Variants in TRAK1 observed in about 807,000 individuals in gnomAD.
TRAK1 encodes the protein trafficking kinesin-binding protein 1.
In TRAK1, 33 loss-of-function variants were observed where a neutral mutation model predicts 92.1. The ratio of observed to expected loss-of-function variants is 0.36; its 90% CI spans 0.27 to 0.48. TRAK1 has a LOEUF of 0.48. Ranked by LOEUF, TRAK1 falls within the 20% of genes least tolerant of loss-of-function variation. TRAK1 has a pLI of 0.99. For synonymous variants in TRAK1, 521 were observed against 517.3 expected, an observed-to-expected ratio of 1.01 and a Z score of -0.10; for missense variants, 1,123 against 1,257.9, an observed-to-expected ratio of 0.89 and a Z score of 1.62.
At chr3:42,019,683 C>G (rs1021190216) in intron 1 of TRAK1, among the ~76,000 whole-genome samples, 2 of 152,144 alleles carry the variant, frequency 1.3e-5, no homozygotes, top group African/African-American at 4.8e-5. Context: ...ATGATACAAC[C>G]TACTCTAGAT....
At chr3:42,036,113 G>C (rs1370030571) in intron 1 of TRAK1, among the ~76,000 whole-genome samples, 1 of 152,190 alleles carries the variant, frequency 6.6e-6, no homozygotes, top group Non-Finnish European at 1.5e-5. Context: ...ATCTGTGAGA[G>C]GCTTTATTTG....
intron 2 of TRAK1, among the ~76,000 whole-genome samples, chr3:42,159,155 G>A (rs1046525794): frequency 3.9e-5 from 6 of 152,044 alleles, no homozygotes; most frequent in East Asian, 3.9e-4. Flanking sequence ...CAGAATTCTC[G>A]GCCCTAAGGA....
chr3:42,202,950 G>A lies in TRAK1; in HGVS notation c.1744+198G>A. On this transcript the variant is annotated intron_variant, in intron 13 of 15. Transcript: ENST00000327628. The surrounding 1 kb of genome is among the most constrained non-coding windows in gnomAD (Gnocchi z 6.1). ...CGTCCCTCCCCTCTGGCTGGCAGGT[G>A]TGACAATGCACACATAGGCCATGAA... 24 of 1,400,734 alleles carry A rather than the reference G, an allele frequency of 1.7e-5. No homozygotes were observed. Among genetic ancestry groups the A allele is most frequent in the Non-Finnish European group, 2.0e-5 (22 of 1,077,004 alleles). The allele number at this position is 1,400,734 out of a possible 1,614,324, so 86.8% of individuals were successfully genotyped here. A position where few individuals can be genotyped will look rare whatever the true frequency, so the allele number is the denominator to read the frequency against.
intron 14 of TRAK1, chr3:42,217,951 G>GT (rs368712397): frequency 8.9e-4 from 752 of 842,316 alleles, no homozygotes; most frequent in Middle Eastern, 3.7e-3. Flanking sequence ...ATTTTTATGT[G>GT]TTTTTTTTTT....
At chr3:42,192,252 G>A (rs567617019) in intron 7 of TRAK1, among the ~76,000 whole-genome samples, 1 of 152,180 alleles carries the variant, frequency 6.6e-6, no homozygotes, top group African/African-American at 2.4e-5. Flanking sequence ...ACAGAAAACT[G>A]TGTTGAAAAT....
intron 2 of TRAK1, among the ~76,000 whole-genome samples, chr3:42,141,718 C>A (rs1247453279): frequency 6.6e-6 from 1 of 152,210 alleles, no homozygotes; most frequent in African/African-American, 2.4e-5. Flanking sequence ...CCAGGTTCTG[C>A]TCTGTCTTCA....
At chr3:42,134,399 T>G (rs529743841) in intron 2 of TRAK1, among the ~76,000 whole-genome samples, 1 of 151,128 alleles carries the variant, frequency 6.6e-6, no homozygotes, top group African/African-American at 2.4e-5. Flanking sequence ...TGTCTCAGCC[T>G]CCCGAGTAGC....
chr3:42,149,280 G>T (rs1699678091), intron 2 of TRAK1: 2 of 1,369,874 alleles, frequency 1.5e-6, no homozygotes, highest in Admixed American at 3.2e-5. Flanking sequence ...GTGCTGCCAG[G>T]GTCTCCGTTA....
chr3:42,188,047 G>T lies in TRAK1; in HGVS notation c.483G>T (p.Val161=). Residue 161 remains valine (V), a splice_region_variant and synonymous_variant, in exon 5 of 16, where the codon GTG becomes GTT. Coordinates refer to ENST00000327628, the MANE Select transcript of TRAK1 (RefSeq NM_001042646.3). Reference sequence around the variant, plus strand: ...ATGGGCCTGCTCTGCTTGTGCAGGTGTCTCAGCTCCGGCATGAGCTGTCCA... The same window carrying T: ...ATGGGCCTGCTCTGCTTGTGCAGGTTTCTCAGCTCCGGCATGAGCTGTCCA... ...EEQVEHIREE[V]SQLRHELSMK... 1.9e-6 allele frequency: 3 copies of T among 1,613,894 alleles called. No individual in the cohort carries two copies. The highest frequency in any genetic ancestry group is 2.5e-6 in the Non-Finnish European group (3 of 1,179,966).
intron 1 of TRAK1, among the ~76,000 whole-genome samples, chr3:42,074,188 T>G (rs1466972577): frequency 6.6e-6 from 1 of 152,210 alleles, no homozygotes; most frequent in Non-Finnish European, 1.5e-5. Flanking sequence ...TAGGCAATGT[T>G]TAGTCTTTGT....
chr3:42,094,131 G>GC (rs1026217856), intron 1 of TRAK1, among the ~76,000 whole-genome samples: 3 of 152,200 alleles, frequency 2.0e-5, no homozygotes, highest in African/African-American at 7.2e-5. Flanking sequence ...CCAGGTATGG[G>GC]CCTCGGCACC....
intron 1 of TRAK1, among the ~76,000 whole-genome samples, chr3:42,050,670 T>C (rs1439559140): frequency 2.0e-5 from 3 of 152,206 alleles, no homozygotes; most frequent in Non-Finnish European, 2.9e-5. Context: ...AATTTTTATT[T>C]TTTTTGAGAT....
At chr3:42,029,215 A>C (rs1702024782) in intron 1 of TRAK1, among the ~76,000 whole-genome samples, 1 of 152,174 alleles carries the variant, frequency 6.6e-6, no homozygotes, top group African/African-American at 2.4e-5. Flanking sequence ...TGGGGATTAC[A>C]ATTCAACATG....
intron 1 of TRAK1, among the ~76,000 whole-genome samples, chr3:42,042,447 C>T (rs1702585087): frequency 6.6e-6 from 1 of 152,152 alleles, no homozygotes; most frequent in African/African-American, 2.4e-5. Context: ...TCTCAGTTCA[C>T]TGTGGCCTCT....
intron 14 of TRAK1, chr3:42,219,033 C>T: frequency 2.0e-6 from 2 of 985,430 alleles, no homozygotes; most frequent in South Asian, 9.4e-5. Context: ...GCCCTGTTTG[C>T]AGGTTTCAAG....
intron 1 of TRAK1, among the ~76,000 whole-genome samples, chr3:42,057,220 A>G (rs1874757): frequency 0.087 from 13,207 of 152,266 alleles, 628 homozygotes; most frequent in Non-Finnish European, 0.11. Context: ...GGAAAATGGA[A>G]TATTCTTATG....
At chr3:42,082,427 C>T (rs1166153109), upstream of TRAK1, among the ~76,000 whole-genome samples, 2 of 129,290 alleles carry the variant, frequency 1.5e-5, no homozygotes, top group East Asian at 4.2e-4. Context: ...GGTGAAACCC[C>T]GTCTTTATCA....
chr3:42,163,102 T>C (rs1214148568), intron 2 of TRAK1, among the ~76,000 whole-genome samples: 2 of 152,202 alleles, frequency 1.3e-5, no homozygotes, highest in African/African-American at 4.8e-5. Flanking sequence ...TCCCATTTTA[T>C]AGGTTTATGG....
intron 2 of TRAK1, chr3:42,149,232 C>A (rs1416245044): frequency 8.1e-7 from 1 of 1,238,400 alleles, no homozygotes; most frequent in East Asian, 4.0e-5. Context: ...CCTGGCTACT[C>A]CCATTCAGGG....
Sources: allele counts gnomAD v4.1 joint callset (sites outside exome capture counted in the v4.1 genomes callset), GRCh38; gene constraint gnomAD v4.1.1; non-coding constraint Gnocchi (gnomAD v3.1); transcripts MANE v1.5; gene names NCBI Gene and HGNC (gene_info 2026-07-23, HGNC 2026-07-21).